The following ADGRL2 variants were observed in gnomAD, a reference collection of about 807,000 sequenced individuals.
The protein encoded by ADGRL2 is calcium-independent alpha-latrotoxin receptor 2.
In ADGRL2, 44 loss-of-function variants were observed where a neutral mutation model predicts 157.4. That is an observed-to-expected ratio of 0.28 (90% CI 0.22 to 0.36). ADGRL2 has a LOEUF of 0.36. ADGRL2 is among the 10% of genes least tolerant of loss of function. The pLI is 1.00. For synonymous variants in ADGRL2, 585 were observed against 624.7 expected (o/e 0.94, Z 0.95); for missense variants, 1,510 against 1,768.9 (o/e 0.85, Z 2.63).
At chr1:81,962,308 T>C (rs1199521759) in intron 11 of ADGRL2, among the ~76,000 whole-genome samples, 3 of 152,184 alleles carry the variant, frequency 2.0e-5, no homozygotes, top group Non-Finnish European at 4.4e-5. Flanking sequence ...TTATTACCTA[T>C]GTTAGTTTTC....
intron 1 of ADGRL2, among the ~76,000 whole-genome samples, chr1:81,395,109 C>T (rs1486524017): frequency 2.0e-5 from 3 of 152,048 alleles, no homozygotes; most frequent in African/African-American, 7.2e-5. Flanking sequence ...CGGGTATTCA[C>T]CATGTTGGCC....
rs566487884 is a variant in ADGRL2 at position 81,735,490 on chromosome 1, C to T, written c.-142-26321C>T. 2.0e-5 allele frequency among the ~76,000 whole-genome samples: 3 copies of T among 152,008 alleles called. No individual in the cohort carries two copies. In the East Asian group the frequency reaches 5.8e-4, roughly 30 times the overall value. ...CCTCTAATCAATGAAGAAACTGAGG[C>T]TTAAAGAGGTGTAAGTTGGCCAGGC... On this transcript the variant is annotated intron_variant, in intron 1 of 20. Coordinates refer to the ADGRL2 transcript ENST00000359929.
chr1:81,828,345 T>A (rs538815237), intron 1 of ADGRL2, among the ~76,000 whole-genome samples: 1 of 152,242 alleles, frequency 6.6e-6, no homozygotes, highest in African/African-American at 2.4e-5. Flanking sequence ...TAGTGGAATA[T>A]AATTGATAAT....
chr1:81,684,231 C>CT (rs1205948647), intron 3 of ADGRL2, among the ~76,000 whole-genome samples: 4 of 152,166 alleles, frequency 2.6e-5, no homozygotes, highest in African/African-American at 9.7e-5. Context: ...AGTGGCTGTA[C>CT]TAGTTTACAT....
chr1:81,713,127 AT>A (rs1389182607), intron 1 of ADGRL2, among the ~76,000 whole-genome samples: 4 of 152,158 alleles, frequency 2.6e-5, no homozygotes, highest in Non-Finnish European at 5.9e-5. Context: ...AATGAAAATC[AT>A]TTGAAGATGG....
intron 3 of ADGRL2, among the ~76,000 whole-genome samples, chr1:81,927,498 T>C (rs1015231784): frequency 5.3e-5 from 8 of 152,038 alleles, no homozygotes; most frequent in Admixed American, 4.6e-4. Context: ...AAAAATTATA[T>C]TGTTTATTTT....
intron 3 of ADGRL2, among the ~76,000 whole-genome samples, chr1:81,586,780 C>T (rs2081035211): frequency 1.3e-5 from 2 of 152,022 alleles, no homozygotes; most frequent in Non-Finnish European, 1.5e-5. Context: ...AAGCAATTTT[C>T]TCTCACTTTC....
At chr1:81,727,812 A>T (rs945279724) in intron 1 of ADGRL2, among the ~76,000 whole-genome samples, 4 of 149,920 alleles carry the variant, frequency 2.7e-5, no homozygotes, top group Admixed American at 6.7e-5. Context: ...GTGTGAATAA[A>T]ATATATATAT....
chr1:81,761,695 G>A (rs1278939938), intron 1 of ADGRL2: 1 of 83,988 alleles, frequency 1.2e-5, no homozygotes, highest in Non-Finnish European at 2.3e-5. Context: ...ACACTGATTT[G>A]TGTTTTCTGC....
intron 2 of ADGRL2, among the ~76,000 whole-genome samples, chr1:81,859,864 A>G (rs892951125): frequency 6.6e-6 from 1 of 152,168 alleles, no homozygotes; most frequent in African/African-American, 2.4e-5. Flanking sequence ...GAACATTAAA[A>G]ATTATTAGAA....
chr1:81,636,938 C>T (rs753188564), intron 3 of ADGRL2, among the ~76,000 whole-genome samples: 2 of 152,130 alleles, frequency 1.3e-5, no homozygotes, highest in Non-Finnish European at 2.9e-5. Context: ...CTGGTTCAAG[C>T]AATTCTCCTG....
intron 1 of ADGRL2, among the ~76,000 whole-genome samples, chr1:81,350,158 A>T (rs1306127469): frequency 6.6e-6 from 1 of 152,150 alleles, no homozygotes; most frequent in Admixed American, 6.5e-5. Context: ...ATTTTTAGGG[A>T]ATAAAACAAA....
intron 3 of ADGRL2, among the ~76,000 whole-genome samples, chr1:81,650,348 G>T (rs2082390724): frequency 6.6e-6 from 1 of 151,978 alleles, no homozygotes; most frequent in Admixed American, 6.6e-5. Flanking sequence ...GAGGCAGGAG[G>T]ATCACAAGGT....
At chr1:81,699,756 G>A (rs1363476867), upstream of ADGRL2, 1 of 152,238 alleles carries the variant, frequency 6.6e-6, no homozygotes, top group African/African-American at 2.4e-5. Flanking sequence ...GTTGGAATTT[G>A]AAGAGAGCTT....
At chr1:81,460,337 A>G (rs2077900616) in intron 2 of ADGRL2, among the ~76,000 whole-genome samples, 1 of 151,928 alleles carries the variant, frequency 6.6e-6, no homozygotes, top group South Asian at 2.1e-4. Context: ...TGTGTCTATT[A>G]TATATCATAC....
chr1:81,904,674 C>T (rs550126038), intron 2 of ADGRL2, among the ~76,000 whole-genome samples: 10 of 152,246 alleles, frequency 6.6e-5, no homozygotes, highest in African/African-American at 2.2e-4. Flanking sequence ...CTTTGGGAAG[C>T]GGAGGTGGGC....
At chr1:81,786,304 A>G (rs532150222) in intron 2 of ADGRL2, among the ~76,000 whole-genome samples, 1 of 152,334 alleles carries the variant, frequency 6.6e-6, no homozygotes, top group Admixed American at 6.5e-5. Context: ...TTAGCCAGGT[A>G]CAATGGCTCA....
intron 2 of ADGRL2, among the ~76,000 whole-genome samples, chr1:81,556,296 T>C (rs2080275580): frequency 1.3e-5 from 2 of 150,820 alleles, no homozygotes; most frequent in South Asian, 4.2e-4. Context: ...CATCCCCCGA[T>C]TCTCAGGCTG....
intron 1 of ADGRL2, among the ~76,000 whole-genome samples, chr1:81,408,670 G>A (rs2076897238): frequency 6.6e-6 from 1 of 150,892 alleles, no homozygotes; most frequent in Admixed American, 6.7e-5. Flanking sequence ...CCCCAAGGGT[G>A]TGCACGTTTA....
Sources: allele counts gnomAD v4.1 joint callset (sites outside exome capture counted in the v4.1 genomes callset), GRCh38; gene constraint gnomAD v4.1.1; transcripts MANE v1.5; gene names NCBI Gene and HGNC (gene_info 2026-07-23, HGNC 2026-07-21).